PTPRT: variants seen among roughly 807,000 people sequenced by gnomAD.
The protein encoded by PTPRT is receptor-type tyrosine-protein phosphatase T.
A neutral mutation model predicts 176.8 loss-of-function variants in PTPRT; 56 were observed. The observed-to-expected ratio is 0.32, with a 90% CI of 0.26 to 0.40. The LOEUF (loss-of-function observed/expected upper bound fraction) is 0.40, where lower values mean the gene tolerates loss of function less well. PTPRT is among the 10% of genes least tolerant of loss of function. PTPRT has a pLI of 1.00. For synonymous variants in PTPRT, 783 were observed against 739.0 expected (o/e 1.06, Z -0.96); for missense variants, 1,540 against 1,908.2 (o/e 0.81, Z 3.60).
At chr20:42,875,904 C>T (rs2078921579) in intron 2 of PTPRT, among the ~76,000 whole-genome samples, 1 of 152,178 alleles carries the variant, frequency 6.6e-6, no homozygotes. Context: ...GCATCTACAT[C>T]AGAGGACTGT....
At position 42,706,175 on chromosome 20, in the gene PTPRT, CTGTTTGTGTGTGTGTGTG is replaced by C. The variant is rs1225836768; in HGVS notation, c.860-28034_860-28017del. Reference sequence around the variant, plus strand: ...TCTCTCTTTATCTCTCTCTCTCTCTCTGTTTGTGTGTGTGTGTGTGTGTGTGTGTGTGTGTGTGTGTGT... The same window carrying C: ...TCTCTCTTTATCTCTCTCTCTCTCTCTGTGTGTGTGTGTGTGTGTGTGTGT... On this transcript the variant is annotated intron_variant, in intron 6 of 30. Coordinates refer to ENST00000373187, the MANE Select transcript of PTPRT (RefSeq NM_007050.6). Among the ~76,000 whole-genome samples, 148 of 109,280 alleles carry C rather than the reference CTGTTTGTGTGTGTGTGTG, an allele frequency of 1.4e-3. No individual in the cohort carries two copies. In the East Asian group the frequency reaches 0.015, roughly 11 times the overall value. 71.7% of individuals were successfully genotyped at this position (109,280 alleles called of 152,430 possible).
At chr20:42,601,283 T>A (rs567581483) in intron 7 of PTPRT, among the ~76,000 whole-genome samples, 1 of 152,306 alleles carries the variant, frequency 6.6e-6, no homozygotes, top group African/African-American at 2.4e-5. Context: ...GCCTTCTACC[T>A]GCACCATCAC....
intron 7 of PTPRT, among the ~76,000 whole-genome samples, chr20:42,600,278 T>C (rs2073753925): frequency 6.6e-6 from 1 of 152,080 alleles, no homozygotes; most frequent in Non-Finnish European, 1.5e-5. Flanking sequence ...TAGCTGGGAC[T>C]ACAGGTGTGC....
chr20:43,116,391 TAGAC>T (rs370911155), intron 1 of PTPRT, among the ~76,000 whole-genome samples: 4 of 152,308 alleles, frequency 2.6e-5, no homozygotes, highest in African/African-American at 7.2e-5. Context: ...GGCTTTGCCT[TAGAC>T]AGTGTTCACC....
At position 42,655,440 on chromosome 20, in the gene PTPRT, G is replaced by A. The variant is rs576471938; in HGVS notation, c.1153+22426C>T. ...TGGGAGGCAGAGATTGCAGTGAGCCGAGATTGCACCACTGCACTCCAGCCT... is the reference window on the plus strand; with the variant it reads ...TGGGAGGCAGAGATTGCAGTGAGCCAAGATTGCACCACTGCACTCCAGCCT... On this transcript the variant is annotated intron_variant, in intron 7 of 30. Coordinates refer to ENST00000373187, the MANE Select transcript of PTPRT (RefSeq NM_007050.6). Among the ~76,000 whole-genome samples, 311 of 152,238 alleles carry A rather than the reference G, an allele frequency of 2.0e-3. 1 individual carries two copies. The highest frequency in any genetic ancestry group is 7.2e-3 in the African/African-American group (298 of 41,552).
At chr20:42,298,249 A>G (rs1474169243) in intron 12 of PTPRT, among the ~76,000 whole-genome samples, 4 of 152,236 alleles carry the variant, frequency 2.6e-5, no homozygotes, top group African/African-American at 9.6e-5. Context: ...ATAGGAGAAT[A>G]TAGCAATTTC....
At chr20:42,774,378 A>G (rs2077104308) in intron 4 of PTPRT, among the ~76,000 whole-genome samples, 1 of 152,174 alleles carries the variant, frequency 6.6e-6, no homozygotes. Flanking sequence ...AACTGGAGAG[A>G]GACTCTGAAA....
chr20:42,500,776 G>A (rs1212975147), intron 7 of PTPRT, among the ~76,000 whole-genome samples: 2 of 151,890 alleles, frequency 1.3e-5, no homozygotes, highest in East Asian at 1.9e-4. Flanking sequence ...ATTTATAAGG[G>A]GTATTTTTAG....
chr20:42,466,575 T>C (rs1442315597), intron 8 of PTPRT, among the ~76,000 whole-genome samples: 2 of 152,170 alleles, frequency 1.3e-5, no homozygotes, highest in African/African-American at 4.8e-5. Context: ...TCTGAAACTA[T>C]TTTATGTGTG....
intron 7 of PTPRT, among the ~76,000 whole-genome samples, chr20:42,673,725 T>A (rs942404833): frequency 3.3e-5 from 5 of 152,074 alleles, no homozygotes; most frequent in African/African-American, 1.2e-4. Context: ...ATGCCCCACC[T>A]CCTAATATCA....
intron 6 of PTPRT, among the ~76,000 whole-genome samples, chr20:42,736,064 C>T (rs1028167152): frequency 1.3e-5 from 2 of 152,176 alleles, no homozygotes; most frequent in African/African-American, 2.4e-5. Context: ...TCCTCCTATA[C>T]ACAGGGATAC....
chr20:42,938,394 T>C (rs1980333850), intron 1 of PTPRT, among the ~76,000 whole-genome samples: 1 of 152,348 alleles, frequency 6.6e-6, no homozygotes, highest in Non-Finnish European at 1.5e-5. Context: ...AGCTAGGGTC[T>C]GCACATGGTT....
chr20:43,076,077 A>G (rs1204040391), intron 1 of PTPRT, among the ~76,000 whole-genome samples: 1 of 152,214 alleles, frequency 6.6e-6, no homozygotes, highest in Non-Finnish European at 1.5e-5. Flanking sequence ...TCCCACTACT[A>G]TAATTAGAAG....
intron 6 of PTPRT, among the ~76,000 whole-genome samples, chr20:42,743,380 G>GA (rs1569127979): frequency 1.3e-5 from 2 of 152,120 alleles, no homozygotes; most frequent in Non-Finnish European, 2.9e-5. Flanking sequence ...GGTTAGGGGG[G>GA]AAAAAAGAAA....
At chr20:43,050,164 T>C (rs1335873400) in intron 1 of PTPRT, among the ~76,000 whole-genome samples, 3 of 152,160 alleles carry the variant, frequency 2.0e-5, no homozygotes, top group African/African-American at 7.2e-5. Flanking sequence ...GTAGCAAGGC[T>C]GGTTCATTCA....
chr20:42,783,824 C>T (rs1387585849), intron 3 of PTPRT, among the ~76,000 whole-genome samples: 2 of 152,136 alleles, frequency 1.3e-5, no homozygotes, highest in African/African-American at 4.8e-5. Flanking sequence ...CTAGAGGTGA[C>T]TCTGGTGCAG....
intron 20 of PTPRT, among the ~76,000 whole-genome samples, chr20:42,118,968 G>C (rs1243355881): frequency 8.2e-6 from 1 of 122,592 alleles, no homozygotes; most frequent in Non-Finnish European, 1.6e-5. Context: ...TTTTGTGCTT[G>C]ACAAATGCTG....
chr20:42,911,217 G>A (rs1174157275), intron 1 of PTPRT, among the ~76,000 whole-genome samples: 1 of 151,994 alleles, frequency 6.6e-6, no homozygotes, highest in South Asian at 2.1e-4. Flanking sequence ...TATGCTTTGT[G>A]TGTCTTAGTA....
chr20:42,870,236 C>G (rs1205225521), intron 2 of PTPRT, among the ~76,000 whole-genome samples: 1 of 152,156 alleles, frequency 6.6e-6, no homozygotes, highest in Non-Finnish European at 1.5e-5. Flanking sequence ...CTAGATACAT[C>G]ACATAAGTAC....
Sources: gnomAD v4.1 joint callset for allele counts (sites outside exome capture counted in the v4.1 genomes callset) on GRCh38, gnomAD v4.1.1 for gene constraint, MANE v1.5 for transcripts, NCBI Gene and HGNC (gene_info 2026-07-23, HGNC 2026-07-21) for gene names.